MAN1B1: variants seen among roughly 807,000 people sequenced by gnomAD.
MAN1B1 encodes the protein endoplasmic reticulum mannosyl-oligosaccharide 1,2-alpha-mannosidase.
In MAN1B1, 66 loss-of-function variants were observed where a neutral mutation model predicts 75.5. The observed-to-expected ratio is 0.87, with a 90% CI of 0.72 to 1.07. The LOEUF (loss-of-function observed/expected upper bound fraction) is 1.07, where lower values mean the gene tolerates loss of function less well. Ranked by LOEUF, MAN1B1 falls within the 50% of genes least tolerant of loss-of-function variation. The pLI is 0.00. For missense variants in MAN1B1, 973 were observed against 912.5 expected (o/e 1.07, Z -0.85); for synonymous variants, 453 against 382.8 (o/e 1.18, Z -2.14).
chr9:137,090,689 G>A (rs906428477), intron 3 of MAN1B1, among the ~76,000 whole-genome samples: 22 of 151,982 alleles, frequency 1.4e-4, no homozygotes, highest in African/African-American at 4.8e-4. Flanking sequence ...ACAGGCGCCC[G>A]ACACCACGCA....
rs533325660 is a variant in MAN1B1 at position 137,096,120 on chromosome 9, C to T, written c.466-117C>T. 5 of 1,087,810 alleles carry T rather than the reference C, an allele frequency of 4.6e-6. No individual in the cohort carries two copies. The African/African-American group carries it at 4.6e-5, about 10-fold the overall frequency. The allele number at this position is 1,087,810 out of a possible 1,614,324, so 67.4% of individuals were successfully genotyped here. On this transcript the variant is annotated intron_variant, in intron 3 of 12. Coordinates refer to ENST00000371589, the MANE Select transcript of MAN1B1 (RefSeq NM_016219.5). ...TATTGAAAAACGAAAGTAATTTAGT[C>T]AGAGGTCAGAAGCTCAGTCTGTGAG... is the stretch of plus-strand genomic sequence containing the variant.
intron 6 of MAN1B1, among the ~76,000 whole-genome samples, chr9:137,100,422 CA>C (rs1450941180): frequency 6.6e-6 from 1 of 152,166 alleles, no homozygotes; most frequent in African/African-American, 2.4e-5. Flanking sequence ...GTTTTATTAA[CA>C]AATGTTGACG....
chr9:137,100,736 C>T (rs1032219811), intron 6 of MAN1B1, among the ~76,000 whole-genome samples: 2 of 152,106 alleles, frequency 1.3e-5, no homozygotes, highest in Non-Finnish European at 1.5e-5. Flanking sequence ...TCTCATGCCT[C>T]ACCCTCCCCA....
intron 12 of MAN1B1, chr9:137,108,105 C>CTGCCCTGTGCCCTGTGCCCTG (rs907349561): frequency 1.5e-5 from 9 of 607,110 alleles, no homozygotes; most frequent in South Asian, 1.2e-4. Context: ...CTCCCACCGT[C>CTGCCCTGTGCCCTGTGCCCTG]TGCCCTGTGC....
At chr9:137,105,782 CGG>C in intron 8 of MAN1B1, 1 of 468,022 alleles carries the variant, frequency 2.1e-6, no homozygotes, top group Non-Finnish European at 4.1e-6. Flanking sequence ...CCATGGCTGA[CGG>C]CCAGGCCTGG....
In MAN1B1 at chr9:137,097,955, C is replaced by A; in HGVS notation, c.730+18C>A. The A allele has an allele frequency of 6.5e-7, 1 of 1,528,152 alleles. No individual in the cohort carries two copies. Among genetic ancestry groups the A allele is most frequent in the Non-Finnish European group, 8.9e-7 (1 of 1,126,544 alleles). The allele number at this position is 1,528,152 out of a possible 1,614,324, so 94.7% of individuals were successfully genotyped here. On this transcript the variant is annotated intron_variant, in intron 5 of 12. Coordinates refer to ENST00000371589, the MANE Select transcript of MAN1B1 (RefSeq NM_016219.5). ...CACACCAGGTGAGGCCACACCTGCA[C>A]CCCTTCCTCCCCGGGCGCTCAGGGG...
At chr9:137,092,151 G>T (rs1005379182) in intron 3 of MAN1B1, among the ~76,000 whole-genome samples, 15 of 151,874 alleles carry the variant, frequency 9.9e-5, no homozygotes, top group Middle Eastern at 6.3e-3. Context: ...AAGGCAGGCA[G>T]ATTGCTTACG....
chr9:137,095,682 C>G (rs964754651), intron 3 of MAN1B1, among the ~76,000 whole-genome samples: 2 of 152,238 alleles, frequency 1.3e-5, no homozygotes, highest in East Asian at 1.9e-4. Flanking sequence ...CGGTCTGCAG[C>G]TTTCCCACGC....
chr9:137,102,165 T>C (rs1474586304), intron 8 of MAN1B1: 1 of 437,054 alleles, frequency 2.3e-6, no homozygotes, highest in Non-Finnish European at 4.5e-6. Flanking sequence ...TTACACACAT[T>C]CCTGCTGTTG....
chr9:137,101,756 T>TATGTGC, intron 8 of MAN1B1, 84 bp downstream of exon 8: 1 of 1,437,984 alleles, frequency 7.0e-7, no homozygotes, highest in Non-Finnish European at 9.6e-7. Context: ...TGTGTGTGTG[T>TATGTGC]ATGTGCATGT....
intron 1 of MAN1B1, chr9:137,087,612 G>A (rs1830408297): frequency 2.2e-6 from 1 of 447,106 alleles, no homozygotes; most frequent in Non-Finnish European, 4.2e-6. Flanking sequence ...TGGTCTGTTC[G>A]TGGTGGTCTC....
chr9:137,096,408 A>G lies in MAN1B1; in HGVS notation c.620+17A>G. 1.2e-6 allele frequency: 2 copies of G among 1,612,672 alleles called. No homozygotes were observed. Among genetic ancestry groups the G allele is most frequent in the Non-Finnish European group, 1.7e-6 (2 of 1,179,582 alleles). ...AGTCATCAGGTACAGAGCGCAGGGC[A>G]GGCTGCACGCCGCCGCTCAGGGCTT... On this transcript the variant is annotated intron_variant, in intron 4 of 12. Coordinates refer to ENST00000371589, the MANE Select transcript of MAN1B1 (RefSeq NM_016219.5).
In MAN1B1 at chr9:137,108,975, A is replaced by G. The variant is rs4567; in HGVS notation, c.*384A>G. The G allele has an allele frequency of 0.49, 228,770 of 464,886 alleles. 57,518 individuals carry two copies. The highest frequency in any genetic ancestry group is 0.71 in the East Asian group (10,613 of 14,886). 28.8% of individuals were successfully genotyped at this position (464,886 alleles called of 1,614,324 possible). On this transcript the variant is annotated 3_prime_UTR_variant, in exon 13 of 13. Coordinates refer to ENST00000371589, the MANE Select transcript of MAN1B1 (RefSeq NM_016219.5). The stretch of plus-strand genomic sequence containing the variant: ...TCTGCCCGGGCTCGTGAAGCCTCAG[A>G]TGTCCCCAATCCAAGGGTCTGGAGG...
At chr9:137,108,242 TG>T (rs1378670934) in intron 12 of MAN1B1, 145 bp from the exon 13 acceptor site, 5 of 725,668 alleles carry the variant, frequency 6.9e-6, no homozygotes, top group East Asian at 2.7e-5. Flanking sequence ...ACGGCTCGCC[TG>T]GGGGTGGCCA....
At chr9:137,089,087 T>C (rs1469627513) in intron 3 of MAN1B1, 82 bp downstream of exon 3, 5 of 1,550,852 alleles carry the variant, frequency 3.2e-6, no homozygotes, top group Non-Finnish European at 4.5e-6. Flanking sequence ...AGAAGAATTA[T>C]TTTCCTTTAC....
chr9:137,107,272 C>G lies in MAN1B1; in HGVS notation c.1589C>G (p.Pro530Arg). 6.2e-7 allele frequency: 1 copy of G among 1,613,000 alleles called. No individual in the cohort carries two copies. The change falls in exon 11 of 13, where the codon CCA becomes CGA. Residue 530 changes from proline to arginine, a missense_variant. Coordinates refer to ENST00000371589, the MANE Select transcript of MAN1B1 (RefSeq NM_016219.5). Reference sequence around the variant, plus strand: ...CAGGACCACCTGGTGTGCTTCCTGCCAGGGACGCTGGCTCTGGGCGTCTAC... The same window carrying G: ...CAGGACCACCTGGTGTGCTTCCTGCGAGGGACGCTGGCTCTGGGCGTCTAC... Reference protein sequence around the residue: ...AKMDHLVCFLPGTLALGVYHG... With the variant: ...AKMDHLVCFLRGTLALGVYHG...
chr9:137,101,042 A>G lies in MAN1B1; in HGVS notation c.954A>G (p.Leu318=), dbSNP rs765964527. 1 of 1,614,216 alleles carries G rather than the reference A, an allele frequency of 6.2e-7. No homozygotes were observed. Among genetic ancestry groups the G allele is most frequent in the South Asian group, 1.1e-5 (1 of 91,086 alleles). ...EEARKWVSKK[L]HFEKDVDVNL... ...CCAGGAAGTGGGTGTCGAAGAAGTT[A>G]CACTTTGAAAAGGACGTGGACGTCA... The change falls in exon 7 of 13, where the codon TTA becomes TTG. Residue 318 remains leucine, a synonymous_variant. Coordinates refer to ENST00000371589, the MANE Select transcript of MAN1B1 (RefSeq NM_016219.5).
intron 5 of MAN1B1, among the ~76,000 whole-genome samples, chr9:137,098,182 C>T (rs1214040534): frequency 6.6e-6 from 1 of 152,244 alleles, no homozygotes; most frequent in Non-Finnish European, 1.5e-5. Flanking sequence ...TGTGTCTGGG[C>T]CAGGCTGCCC....
In MAN1B1 at chr9:137,095,373, T is replaced by TA. The variant is rs1272042411; in HGVS notation, c.466-851dup. On this transcript the variant is annotated intron_variant, in intron 3 of 12. Coordinates refer to ENST00000371589, the MANE Select transcript of MAN1B1 (RefSeq NM_016219.5). ...CATAAGTAAGCATTCTTTCCTTTTT[T>TA]AAAAAAAAAAAAAGTGGAGCAATCT... is the stretch of plus-strand genomic sequence containing the variant. Among the ~76,000 whole-genome samples, 1,323 of 144,806 alleles carry TA rather than the reference T, an allele frequency of 9.1e-3. 9 individuals carry two copies. The highest frequency in any genetic ancestry group is 0.02 in the African/African-American group (802 of 39,814). 95.0% of individuals were successfully genotyped at this position (144,806 alleles called of 152,430 possible). A position where few individuals can be genotyped will look rare whatever the true frequency, so the allele number is the denominator to read the frequency against.
Sources: allele counts gnomAD v4.1 joint callset (sites outside exome capture counted in the v4.1 genomes callset), GRCh38; gene constraint gnomAD v4.1.1; transcripts MANE v1.5; gene names NCBI Gene and HGNC (gene_info 2026-07-23, HGNC 2026-07-21).